Variants in KDM4C observed in about 807,000 individuals in gnomAD.
KDM4C encodes lysine-specific demethylase 4C.
KDM4C carries 81 observed loss-of-function variants against 129.3 expected under a neutral mutation model. That is an observed-to-expected ratio of 0.63 (90% CI 0.52 to 0.75). The LOEUF (loss-of-function observed/expected upper bound fraction) is 0.75. Ranked by LOEUF, KDM4C falls within the 30% of genes least tolerant of loss-of-function variation. The pLI is 0.00. For missense variants in KDM4C, 1,457 were observed against 1,304.0 expected, an observed-to-expected ratio of 1.12 and a Z score of -1.81; for synonymous variants, 573 against 456.1, an observed-to-expected ratio of 1.26 and a Z score of -3.26.
At chr9:6,796,026 A>AG (rs1386944623) in intron 2 of KDM4C, among the ~76,000 whole-genome samples, 1 of 152,196 alleles carries the variant, frequency 6.6e-6, no homozygotes, top group Non-Finnish European at 1.5e-5. Context: ...AAAATTAATT[A>AG]GGGGTGGGTG....
intron 1 of KDM4C, among the ~76,000 whole-genome samples, chr9:6,770,725 T>TC (rs1821617099): frequency 6.7e-6 from 1 of 148,964 alleles, no homozygotes; most frequent in African/African-American, 2.5e-5. Flanking sequence ...TTTTTTTTTT[T>TC]CAATATAGCC....
Position 6,772,475 on chromosome 9 carries a change from CCT to C in KDM4C, c.-18+14274_-18+14275del, listed in dbSNP as rs200479649. ...CTCCTGCGTTCAAGCGATTCTCCTG[CCT>C]CATCCTCCCAAGTAGGTGGGATTAC... On this transcript the variant is annotated intron_variant, in intron 1 of 21. Coordinates refer to ENST00000381309, the MANE Select transcript of KDM4C (RefSeq NM_015061.6). 3.0e-3 allele frequency among the ~76,000 whole-genome samples: 461 copies of C among 152,264 alleles called. 7 individuals carry two copies. In the East Asian group the frequency reaches 0.032, roughly 11 times the overall value.
intron 8 of KDM4C, among the ~76,000 whole-genome samples, chr9:6,951,505 C>G (rs1828135175): frequency 6.6e-6 from 1 of 152,052 alleles, no homozygotes; most frequent in African/African-American, 2.4e-5. Flanking sequence ...AGTCGGCTTT[C>G]TATGAAAAAG....
At chr9:7,117,355 T>A (rs1839014919) in intron 18 of KDM4C, among the ~76,000 whole-genome samples, 2 of 152,184 alleles carry the variant, frequency 1.3e-5, no homozygotes, top group Admixed American at 6.5e-5. Flanking sequence ...TTTAACCCAT[T>A]CACCAACTGT....
intron 8 of KDM4C, among the ~76,000 whole-genome samples, chr9:6,950,815 G>A (rs1366675088): frequency 6.6e-6 from 1 of 152,032 alleles, no homozygotes; most frequent in South Asian, 2.1e-4. Context: ...TGGTTCATCC[G>A]GTTCAGTATC....
At chr9:7,146,726 C>CTAG (rs1765992490) in intron 19 of KDM4C, among the ~76,000 whole-genome samples, 1 of 151,978 alleles carries the variant, frequency 6.6e-6, no homozygotes, top group Admixed American at 6.6e-5. Context: ...CACCCATCTA[C>CTAG]TTATTAGCCC....
intron 13 of KDM4C, 69 bp downstream of exon 13, chr9:7,011,948 A>C: frequency 2.4e-5 from 32 of 1,325,580 alleles, no homozygotes; most frequent in Non-Finnish European, 3.2e-5. Context: ...CCACAAGATC[A>C]CTGTAAATTG....
chr9:7,165,248 G>C lies in KDM4C; in HGVS notation c.2792G>C (p.Cys931Ser). The C allele has an allele frequency of 1.2e-6, 2 of 1,614,170 alleles. No homozygotes were observed. Among genetic ancestry groups the C allele is most frequent in the Non-Finnish European group, 1.7e-6 (2 of 1,180,022 alleles). Residue 931 changes from cysteine (C) to serine (S), a missense_variant, in exon 20 of 22, where the codon TGT becomes TCT. By Grantham distance (112) the Cys-to-Ser change is moderately radical. Transcript: ENST00000381309. ...CTGTTTATTCTGCAGAGCCGAGACTGTCTGAAGCTGGGCCCACCTGCTGAG... is the reference window on the plus strand; with the variant it reads ...CTGTTTATTCTGCAGAGCCGAGACTCTCTGAAGCTGGGCCCACCTGCTGAG... ...TFPEDIVSRD[C>S]LKLGPPAEGE...
chr9:6,794,546 A>C (rs1827355995), intron 2 of KDM4C, among the ~76,000 whole-genome samples: 1 of 152,152 alleles, frequency 6.6e-6, no homozygotes, highest in Non-Finnish European at 1.5e-5. Flanking sequence ...AAAAGATCAC[A>C]CTGGCTCCTA....
At chr9:6,810,462 A>G (rs1367937164) in intron 3 of KDM4C, among the ~76,000 whole-genome samples, 1 of 152,244 alleles carries the variant, frequency 6.6e-6, no homozygotes, top group Non-Finnish European at 1.5e-5. Context: ...ACATTTCTTG[A>G]CATTCTGGGG....
At chr9:6,949,702 C>T (rs996884467) in intron 8 of KDM4C, among the ~76,000 whole-genome samples, 6 of 152,160 alleles carry the variant, frequency 3.9e-5, no homozygotes, top group East Asian at 1.9e-4. Flanking sequence ...ACCAGTCAGG[C>T]GTGGCGGCGC....
intron 8 of KDM4C, among the ~76,000 whole-genome samples, chr9:6,959,172 G>C (rs1369202235): frequency 6.6e-6 from 1 of 152,196 alleles, no homozygotes; most frequent in Non-Finnish European, 1.5e-5. Context: ...TTTAAAAGAA[G>C]TAGGTGAGAA....
intron 1 of KDM4C, chr9:6,749,040 A>G (rs1193743642): frequency 4.9e-6 from 3 of 607,364 alleles, no homozygotes; most frequent in Non-Finnish European, 9.2e-6. Flanking sequence ...TATTTTTGAA[A>G]TGGAGTTTTG....
intron 5 of KDM4C, among the ~76,000 whole-genome samples, chr9:6,867,777 C>T (rs965073748): frequency 2.6e-5 from 4 of 152,166 alleles, no homozygotes; most frequent in African/African-American, 4.8e-5. Context: ...GACAGAATGG[C>T]TTCTACTTAT....
At position 7,036,940 on chromosome 9, in the gene KDM4C, T is replaced by A. The variant is rs554912621; in HGVS notation, c.2260-9922T>A. Among the ~76,000 whole-genome samples, 7 of 152,314 alleles carry A rather than the reference T, an allele frequency of 4.6e-5. No individual in the cohort carries two copies. In the East Asian group the frequency reaches 1.4e-3, roughly 29 times the overall value. ...GAATTCATTACAGGTGAATTTTGGA[T>A]TTGCAAATTTGTGGAATTTCCATTT... On this transcript the variant is annotated intron_variant, in intron 15 of 21. Transcript: ENST00000381309.
chr9:7,150,672 C>T (rs747684388), intron 19 of KDM4C, among the ~76,000 whole-genome samples: 1 of 152,222 alleles, frequency 6.6e-6, no homozygotes, highest in Non-Finnish European at 1.5e-5. Flanking sequence ...CATTGCCTTC[C>T]TGGTCCCTCC....
intron 8 of KDM4C, among the ~76,000 whole-genome samples, chr9:6,951,960 T>A (rs925418698): frequency 7.9e-5 from 12 of 152,150 alleles, no homozygotes; most frequent in African/African-American, 2.9e-4. Context: ...AATATTGGGG[T>A]ATGGCAGTGT....
intron 3 of KDM4C, among the ~76,000 whole-genome samples, chr9:6,807,924 C>A: frequency 7.2e-6 from 1 of 138,786 alleles, no homozygotes; most frequent in East Asian, 2.1e-4. Context: ...GCCAGCCACC[C>A]CCTCCGGGAG....
At chr9:6,725,117 ATC>A (rs774722644) in intron 1 of KDM4C, among the ~76,000 whole-genome samples, 8 of 151,868 alleles carry the variant, frequency 5.3e-5, no homozygotes, top group Non-Finnish European at 1.0e-4. Flanking sequence ...CTGGAGTCAA[ATC>A]TCTCTCTGCC....
Sources: allele counts gnomAD v4.1 joint callset (sites outside exome capture counted in the v4.1 genomes callset), GRCh38; gene constraint gnomAD v4.1.1; transcripts MANE v1.5; gene names NCBI Gene and HGNC (gene_info 2026-07-23, HGNC 2026-07-21).